The following ZXDC variants were observed in gnomAD, a reference collection of about 807,000 sequenced individuals.
The protein encoded by ZXDC is ZXD family zinc finger C, also known as zinc finger protein ZXDC.
A neutral mutation model predicts 63.6 loss-of-function variants in ZXDC; 58 were observed. That is an observed-to-expected ratio of 0.91 (90% CI 0.74 to 1.13). The LOEUF (loss-of-function observed/expected upper bound fraction) is 1.13. Among genes scored for constraint, ZXDC ranks in the 50% most tolerant of loss-of-function variants. The pLI, the probability that ZXDC is intolerant of heterozygous loss-of-function variation, is 0.00. For missense variants in ZXDC, 1,133 were observed against 1,148.9 expected (o/e 0.99, Z 0.20); for synonymous variants, 561 against 496.1 (o/e 1.13, Z -1.74).
At chr3:126,460,976 AATTAT>A (rs1934505496) in intron 6 of ZXDC, 3 of 974,206 alleles carry the variant, frequency 3.1e-6, no homozygotes, top group Non-Finnish European at 3.7e-6. Context: ...TTTTAAATTA[AATTAT>A]ATTAAATGTA....
Position 126,475,669 on chromosome 3 carries a change from G to A in ZXDC, c.197C>T (p.Ala66Val). The A allele has an allele frequency of 2.1e-6, 3 of 1,415,208 alleles. No homozygotes were observed. The highest frequency in any genetic ancestry group is 2.8e-6 in the Non-Finnish European group (3 of 1,080,672). The allele number at this position is 1,415,208 out of a possible 1,614,324, so 87.7% of individuals were successfully genotyped here. A position where few individuals can be genotyped will look rare whatever the true frequency, so the allele number is the denominator to read the frequency against. ...AGAGTCGCCGTCGCTGTCGTCCTCGGCGGGCGGCGGGCTTGGCCCGGAGGC... is the reference window on the plus strand; with the variant it reads ...AGAGTCGCCGTCGCTGTCGTCCTCGACGGGCGGCGGGCTTGGCCCGGAGGC... The part of the protein sequence containing the change: ...GEASGPSPPP[A>V]EDDSDGDSFL... Residue 66 changes from alanine (A) to valine (V), a missense_variant, in exon 1 of 10, where the codon GCC becomes GTC. By Grantham distance (64) the Ala-to-Val change is moderately conservative. Coordinates refer to ENST00000389709, the MANE Select transcript of ZXDC (RefSeq NM_025112.5).
In ZXDC at chr3:126,438,356, G is replaced by C. The variant is rs1933541974; in HGVS notation, c.*19C>G. 1 of 1,603,252 alleles carries C rather than the reference G, an allele frequency of 6.2e-7. No homozygotes were observed. Among genetic ancestry groups the C allele is most frequent in the Non-Finnish European group, 8.5e-7 (1 of 1,174,130 alleles). ...TGTCCTAGACCGTGGCCTTGGGCCT[G>C]CCCAGGCCGAGGCTGCCGTCACTGC... On this transcript the variant is annotated 3_prime_UTR_variant, in exon 10 of 10. Transcript: ENST00000389709.
chr3:126,445,520 G>GT (rs1033855178), intron 7 of ZXDC, among the ~76,000 whole-genome samples: 5 of 151,958 alleles, frequency 3.3e-5, no homozygotes, highest in African/African-American at 1.2e-4. Context: ...AGGATATCCT[G>GT]TTTTTGTGTG....
intron 7 of ZXDC, among the ~76,000 whole-genome samples, chr3:126,455,448 C>G (rs1313674226): frequency 6.6e-6 from 1 of 152,118 alleles, no homozygotes; most frequent in Non-Finnish European, 1.5e-5. Context: ...ATGTTGGATT[C>G]TATATACCAT....
intron 8 of ZXDC, chr3:126,439,965 T>C: frequency 1.4e-6 from 2 of 1,386,210 alleles, no homozygotes; most frequent in Non-Finnish European, 1.9e-6. Flanking sequence ...GCCTGGAACC[T>C]TCTGCTCTCC....
At position 126,463,154 on chromosome 3, in the gene ZXDC, C is replaced by T. The variant is rs557805036; in HGVS notation, c.1442-934G>A. Among the ~76,000 whole-genome samples, 223 of 152,124 alleles carry T rather than the reference C, an allele frequency of 1.5e-3. 1 individual carries two copies. The highest frequency in any genetic ancestry group is 3.2e-3 in the Admixed American group (49 of 15,284). On this transcript the variant is annotated intron_variant, in intron 5 of 9. Transcript: ENST00000389709. ...CGCGATCTCGGCTCACTGCAAGCTC[C>T]GCCTCCCGGGTTCACCCCGTTCTCT... is the stretch of plus-strand genomic sequence containing the variant.
rs926067454 is a variant in ZXDC, at chr3:126,466,184, T to C, written c.1412A>G (p.His471Arg). 1 of 1,614,044 alleles carries C rather than the reference T, an allele frequency of 6.2e-7. No individual in the cohort carries two copies. Among genetic ancestry groups the C allele is most frequent in the African/African-American group, 1.3e-5 (1 of 74,936 alleles). ...GCGCCGGCTGTGCTGTCTGACCATGTGCGCCTTCATGCTGTGCTTGGAGGT... is the reference window on the plus strand; with the variant it reads ...GCGCCGGCTGTGCTGTCTGACCATGCGCGCCTTCATGCTGTGCTTGGAGGT... ...LFTSKHSMKA[H>R]MVRQHSRRQD... The change falls in exon 5 of 10, where the codon CAC (histidine) becomes CGC (arginine). Residue 471 changes from histidine (H) to arginine (R), a missense_variant. Coordinates refer to ENST00000389709, the MANE Select transcript of ZXDC (RefSeq NM_025112.5).
intron 7 of ZXDC, chr3:126,454,622 TTACA>T: frequency 1.0e-6 from 1 of 985,446 alleles, no homozygotes; most frequent in Non-Finnish European, 1.2e-6. Context: ...GGTGCCCTCA[TTACA>T]CTTCACTGTG....
At chr3:126,450,528 G>A (rs1934059637) in intron 7 of ZXDC, 2 of 456,636 alleles carry the variant, frequency 4.4e-6, no homozygotes, top group Non-Finnish European at 8.8e-6. Context: ...TGTGGCACAG[G>A]AGCCACATGC....
At chr3:126,472,120 G>T (rs1935001972) in intron 2 of ZXDC, 33 bp downstream of exon 2, 30 of 1,608,346 alleles carry the variant, frequency 1.9e-5, no homozygotes, top group Non-Finnish European at 2.4e-5. Context: ...ACAAATCTTG[G>T]GTCCAAATGC....
At chr3:126,467,757 C>T (rs1039050107) in intron 4 of ZXDC, among the ~76,000 whole-genome samples, 12 of 152,112 alleles carry the variant, frequency 7.9e-5, no homozygotes, top group African/African-American at 2.9e-4. Context: ...CACCATGGTA[C>T]ACAGGGTACC....
chr3:126,464,617 G>A (rs16837500), intron 5 of ZXDC, among the ~76,000 whole-genome samples: 9,014 of 152,190 alleles, frequency 0.059, 325 homozygotes, highest in African/African-American at 0.076. Flanking sequence ...AGAGTTTAAG[G>A]AAAGTGCATC....
chr3:126,475,500 G>T lies in ZXDC; in HGVS notation c.366C>A (p.Gly122=), dbSNP rs1475296375. 1 of 1,236,968 alleles carries T rather than the reference G, an allele frequency of 8.1e-7. No individual in the cohort carries two copies. The allele number at this position is 1,236,968 out of a possible 1,614,324, so 76.6% of individuals were successfully genotyped here. The part of the protein sequence containing the change: ...PSGPAAPPGP[G]VAPAGAVTIS... ...TGGTGACGGCGCCCGCCGGGGCTAC[G>T]CCAGGGCCGGGGGGGGCGGCCGGGC... The change falls in exon 1 of 10, where the codon GGC becomes GGA. Residue 122 remains glycine, a synonymous_variant. Transcript: ENST00000389709.
At chr3:126,446,396 C>T (rs1053991226) in intron 7 of ZXDC, among the ~76,000 whole-genome samples, 2 of 152,200 alleles carry the variant, frequency 1.3e-5, no homozygotes, top group African/African-American at 4.8e-5. Context: ...GATGGCCACA[C>T]TGCTTTCACC....
At chr3:126,439,890 G>C (rs1242433156) in intron 8 of ZXDC, 163 bp from the exon 9 acceptor site, 1 of 1,432,274 alleles carries the variant, frequency 7.0e-7, no homozygotes, top group Admixed American at 2.9e-5. Context: ...GTTTATGGGG[G>C]CTGGGTACTA....
intron 9 of ZXDC, among the ~76,000 whole-genome samples, chr3:126,439,044 C>T (rs1933570749): frequency 6.6e-6 from 1 of 152,206 alleles, no homozygotes; most frequent in South Asian, 2.1e-4. Context: ...CCAGCTCACC[C>T]CTCTGCAGCC....
intron 6 of ZXDC, chr3:126,461,076 CCCA>C (rs1443742104): frequency 6.1e-6 from 6 of 985,334 alleles, no homozygotes; most frequent in Non-Finnish European, 7.2e-6. Context: ...GCTCATAAAC[CCCA>C]CCCTTTTTTT....
rs577809567 is a variant in ZXDC, at chr3:126,443,876, T to A, written c.2213-1930A>T. Among the ~76,000 whole-genome samples, 158 of 152,340 alleles carry A rather than the reference T, an allele frequency of 1.0e-3. 1 individual carries two copies. Among genetic ancestry groups the A allele is most frequent in the African/African-American group, 3.6e-3 (150 of 41,580 alleles). On this transcript the variant is annotated intron_variant, in intron 7 of 9. Transcript: ENST00000389709. ...AAAATATATCAGAAACTTTGATAGA[T>A]AATTATGATATTAAAAGCAAAATTA... is the stretch of plus-strand genomic sequence containing the variant.
At chr3:126,471,332 T>C (rs7640182) in intron 3 of ZXDC, among the ~76,000 whole-genome samples, 2,628 of 152,330 alleles carry the variant, frequency 0.017, 82 homozygotes, top group African/African-American at 0.059. Context: ...GTGTTTCTAT[T>C]GTTTAGAAAC....
Sources: gnomAD v4.1 joint callset for allele counts (sites outside exome capture counted in the v4.1 genomes callset) on GRCh38, gnomAD v4.1.1 for gene constraint, MANE v1.5 for transcripts, NCBI Gene and HGNC (gene_info 2026-07-23, HGNC 2026-07-21) for gene names.